SRBD1: variants seen among roughly 807,000 people sequenced by gnomAD.
The protein encoded by SRBD1 is S1 RNA binding domain 1.
Under a neutral mutation model 115.3 loss-of-function variants are expected in SRBD1, and 88 were observed. The ratio of observed to expected loss-of-function variants is 0.76; its 90% CI spans 0.64 to 0.91. The LOEUF (loss-of-function observed/expected upper bound fraction) is 0.91, where lower values mean the gene tolerates loss of function less well. Ranked by LOEUF, SRBD1 falls within the 40% of genes least tolerant of loss-of-function variation. The probability of loss-of-function intolerance (pLI) is 0.00; values close to 1 mark genes in which losing one functional copy is unlikely to be tolerated. For synonymous variants in SRBD1, 509 were observed against 407.7 expected, an observed-to-expected ratio of 1.25 and a Z score of -2.99; for missense variants, 1,385 against 1,177.4, an observed-to-expected ratio of 1.18 and a Z score of -2.58.
At chr2:45,564,104 T>G (rs1224677079) in intron 9 of SRBD1, among the ~76,000 whole-genome samples, 1 of 152,156 alleles carries the variant, frequency 6.6e-6, no homozygotes, top group Non-Finnish European at 1.5e-5. Flanking sequence ...CAAGATCAAC[T>G]AGAATCAATT....
intron 16 of SRBD1, among the ~76,000 whole-genome samples, chr2:45,463,977 T>C (rs1246196846): frequency 2.0e-5 from 3 of 152,120 alleles, no homozygotes; most frequent in African/African-American, 7.2e-5. Context: ...ACAAAGTTTT[T>C]CTTGGATAAA....
intron 19 of SRBD1, among the ~76,000 whole-genome samples, chr2:45,399,073 A>C (rs186563648): frequency 6.6e-6 from 1 of 152,064 alleles, no homozygotes; most frequent in Non-Finnish European, 1.5e-5. Flanking sequence ...CCAAAAGAGA[A>C]CCAGAAAAAA....
intron 15 of SRBD1, among the ~76,000 whole-genome samples, chr2:45,479,911 G>C (rs1040217148): frequency 6.6e-6 from 1 of 152,146 alleles, no homozygotes; most frequent in Non-Finnish European, 1.5e-5. Context: ...GTGACTTTAA[G>C]CTGAAGTCAA....
chr2:45,437,497 G>C (rs1000750021), intron 16 of SRBD1, among the ~76,000 whole-genome samples: 1 of 152,092 alleles, frequency 6.6e-6, no homozygotes, highest in African/African-American at 2.4e-5. Flanking sequence ...GGTGGTGCTG[G>C]AACAACTGGA....
chr2:45,449,163 C>T (rs1668915278), intron 16 of SRBD1, among the ~76,000 whole-genome samples: 1 of 152,086 alleles, frequency 6.6e-6, no homozygotes, highest in Admixed American at 6.6e-5. Flanking sequence ...ATAGGTAACA[C>T]TATAAAAACA....
rs902843203 is a variant in SRBD1 at position 45,433,189 on chromosome 2, G to C, written c.2050-13295C>G. Reference sequence around the variant, plus strand: ...TACAAAATGTAGCTAGAAAACCAAAGATGCAAAAAAGCTTTACAGGTGCTC... The same window carrying C: ...TACAAAATGTAGCTAGAAAACCAAACATGCAAAAAAGCTTTACAGGTGCTC... On this transcript the variant is annotated intron_variant, in intron 16 of 20. Coordinates refer to ENST00000263736, the MANE Select transcript of SRBD1 (RefSeq NM_018079.5). Among the ~76,000 whole-genome samples, 4 of 152,110 alleles carry C rather than the reference G, an allele frequency of 2.6e-5. No individual in the cohort carries two copies. The East Asian group carries it at 5.8e-4, about 22-fold the overall frequency.
intron 4 of SRBD1, among the ~76,000 whole-genome samples, chr2:45,594,166 A>T (rs1286171054): frequency 6.6e-6 from 1 of 152,210 alleles, no homozygotes; most frequent in Non-Finnish European, 1.5e-5. Context: ...TTGCACTGAG[A>T]TACACAACTC....
intron 12 of SRBD1, among the ~76,000 whole-genome samples, chr2:45,550,186 G>T (rs980973243): frequency 6.6e-6 from 1 of 151,986 alleles, no homozygotes; most frequent in African/African-American, 2.4e-5. Context: ...CAGGATAGAG[G>T]ATTAATTAAC....
At chr2:45,500,662 C>T (rs1241087261) in intron 14 of SRBD1, among the ~76,000 whole-genome samples, 5 of 152,100 alleles carry the variant, frequency 3.3e-5, no homozygotes, top group Admixed American at 1.3e-4. Context: ...GCAATCCGCC[C>T]GTTTCGGCCT....
intron 1 of SRBD1, among the ~76,000 whole-genome samples, chr2:45,610,963 A>G (rs1054581575): frequency 2.7e-5 from 4 of 150,870 alleles, no homozygotes; most frequent in African/African-American, 7.3e-5. Flanking sequence ...AGGCTTTTCT[A>G]TGTCTGTTAT....
At chr2:45,467,247 G>C (rs563083559) in intron 16 of SRBD1, among the ~76,000 whole-genome samples, 1 of 152,324 alleles carries the variant, frequency 6.6e-6, no homozygotes, top group East Asian at 1.9e-4. Flanking sequence ...TGAATTTTAA[G>C]AAGCTTGTTG....
At chr2:45,552,717 T>C (rs1455550125) in intron 11 of SRBD1, among the ~76,000 whole-genome samples, 1 of 152,182 alleles carries the variant, frequency 6.6e-6, no homozygotes, top group African/African-American at 2.4e-5. Context: ...GGAACAATAT[T>C]TTTAGGCTAC....
intron 9 of SRBD1, among the ~76,000 whole-genome samples, chr2:45,567,226 A>T (rs531238286): frequency 2.2e-4 from 33 of 152,298 alleles, no homozygotes; most frequent in African/African-American, 7.7e-4. Flanking sequence ...TCAGAGTTTT[A>T]AAAAAATTAT....
At chr2:45,426,247 G>C (rs1433060448) in intron 16 of SRBD1, among the ~76,000 whole-genome samples, 1 of 152,226 alleles carries the variant, frequency 6.6e-6, no homozygotes. Flanking sequence ...GTTTGAACTA[G>C]ATGGAGCCCA....
At chr2:45,433,028 A>T (rs935246870) in intron 16 of SRBD1, among the ~76,000 whole-genome samples, 3 of 152,180 alleles carry the variant, frequency 2.0e-5, no homozygotes, top group Non-Finnish European at 4.4e-5. Context: ...GAACAACAAA[A>T]TTTCACTTTA....
At chr2:45,416,017 A>C (rs1178059184) in intron 18 of SRBD1, among the ~76,000 whole-genome samples, 1 of 152,128 alleles carries the variant, frequency 6.6e-6, no homozygotes, top group African/African-American at 2.4e-5. Context: ...AGGAGAGATA[A>C]AGATGAGATG....
At chr2:45,444,304 C>T (rs925199612) in intron 16 of SRBD1, among the ~76,000 whole-genome samples, 1 of 152,102 alleles carries the variant, frequency 6.6e-6, no homozygotes, top group Non-Finnish European at 1.5e-5. Flanking sequence ...ACTCAGGAGA[C>T]TGAGGTGGGA....
intron 16 of SRBD1, among the ~76,000 whole-genome samples, chr2:45,428,177 G>A (rs1045762683): frequency 2.0e-5 from 3 of 152,118 alleles, no homozygotes; most frequent in African/African-American, 7.2e-5. Context: ...AATAAAATTA[G>A]AACTCAGGAT....
chr2:45,485,564 T>C (rs1023546186), intron 15 of SRBD1, among the ~76,000 whole-genome samples: 2 of 152,220 alleles, frequency 1.3e-5, no homozygotes, highest in African/African-American at 2.4e-5. Context: ...TTAGAGGCCA[T>C]GTACCATGCA....
Sources: gnomAD v4.1 joint callset for allele counts (sites outside exome capture counted in the v4.1 genomes callset) on GRCh38, gnomAD v4.1.1 for gene constraint, MANE v1.5 for transcripts, NCBI Gene and HGNC (gene_info 2026-07-23, HGNC 2026-07-21) for gene names.